ALX4: variants seen among roughly 807,000 people sequenced by gnomAD.
ALX4 encodes the protein ALX homeobox 4.
In ALX4, 22 loss-of-function variants were observed where a neutral mutation model predicts 40.6. That is an observed-to-expected ratio of 0.54 (90% CI 0.39 to 0.77). ALX4 has a LOEUF of 0.77. ALX4 is among the 30% of genes least tolerant of loss of function. ALX4 has a pLI of 0.00. For synonymous variants in ALX4, 266 were observed against 240.5 expected (o/e 1.11, Z -0.98); for missense variants, 556 against 564.8 (o/e 0.98, Z 0.16).
intron 3 of ALX4, among the ~76,000 whole-genome samples, chr11:44,265,518 C>G (rs1049682273): frequency 2.0e-5 from 3 of 152,140 alleles, no homozygotes; most frequent in African/African-American, 7.2e-5. Flanking sequence ...CCTCCATCTG[C>G]GGATGGCAGC....
intron 2 of ALX4, among the ~76,000 whole-genome samples, chr11:44,272,078 T>C (rs903491712): frequency 6.6e-6 from 1 of 152,150 alleles, no homozygotes; most frequent in African/African-American, 2.4e-5. Context: ...AACTCAGGCA[T>C]GTAAGGTCAT....
intron 1 of ALX4, among the ~76,000 whole-genome samples, chr11:44,277,783 T>G (rs2135315866): frequency 6.6e-6 from 1 of 152,276 alleles, no homozygotes; most frequent in East Asian, 1.9e-4. Flanking sequence ...AGAGTAGGCC[T>G]GAAAGCAGCT....
Position 44,309,711 on chromosome 11 carries a change from C to T in ALX4, c.352G>A (p.Ala118Thr). 6.3e-7 allele frequency: 1 copy of T among 1,576,914 alleles called. No homozygotes were observed. Among genetic ancestry groups the T allele is most frequent in the Non-Finnish European group, 8.6e-7 (1 of 1,163,588 alleles). ...CGCTGCAAGTAAAGATGCGGTTGCGCGGGCGGCTGGGGCTGCGGCTGCTGC... is the reference window on the plus strand; with the variant it reads ...CGCTGCAAGTAAAGATGCGGTTGCGTGGGCGGCTGGGGCTGCGGCTGCTGC... ...QQQQPQPQPP[A>T]QPHLYLQRGA... The change falls in exon 1 of 4, where the codon GCG becomes ACG. Residue 118 changes from alanine (A) to threonine (T), a missense_variant. Physicochemically the swap from Ala to Thr is moderately conservative, Grantham distance 58. Transcript: ENST00000652299.
intron 1 of ALX4, among the ~76,000 whole-genome samples, chr11:44,304,270 C>A (rs1956453073): frequency 6.6e-6 from 1 of 152,260 alleles, no homozygotes; most frequent in African/African-American, 2.4e-5. Flanking sequence ...GCCTGGCAGG[C>A]GACGTCCGGG....
chr11:44,285,051 G>A (rs543975475), intron 1 of ALX4, among the ~76,000 whole-genome samples: 1 of 151,992 alleles, frequency 6.6e-6, no homozygotes, highest in East Asian at 1.9e-4. Context: ...TGCAACCTCC[G>A]CCTCCCCGGT....
intron 2 of ALX4, among the ~76,000 whole-genome samples, chr11:44,271,671 T>G (rs1440739648): frequency 1.3e-5 from 2 of 152,212 alleles, no homozygotes; most frequent in East Asian, 3.8e-4. Flanking sequence ...GTAAGCTACC[T>G]CAACTCCATT....
At chr11:44,309,447 C>T (rs1956492087) in intron 1 of ALX4, 150 bp downstream of exon 1, 7 of 1,436,866 alleles carry the variant, frequency 4.9e-6, no homozygotes, top group Non-Finnish European at 6.5e-6. Context: ...CCTTGGCTCC[C>T]TCGCAGCGAT....
chr11:44,286,338 A>AAGAGGAG (rs1342371574), intron 1 of ALX4, among the ~76,000 whole-genome samples: 1 of 152,044 alleles, frequency 6.6e-6, no homozygotes, highest in Non-Finnish European at 1.5e-5. Flanking sequence ...GGGGTATGAG[A>AAGAGGAG]AGAGGAGATG....
chr11:44,295,090 A>C (rs1956395530), intron 1 of ALX4, among the ~76,000 whole-genome samples: 2 of 152,120 alleles, frequency 1.3e-5, no homozygotes, highest in Admixed American at 1.3e-4. Context: ...ACCTCAGGCA[A>C]TCCACCTGCC....
At position 44,261,460 on chromosome 11, in the gene ALX4, A is replaced by C. The variant is rs1257760934; in HGVS notation, c.*3394T>G. ...GCTAACCTGGCCACCGTGCTTCCCG[A>C]AGCTGGAGGCACGGTAGTGAGCGCT... On this transcript the variant is annotated 3_prime_UTR_variant, in exon 4 of 4. Transcript: ENST00000652299. The C allele has an allele frequency of 5.9e-5, 9 of 152,178 alleles. No homozygotes were observed. The highest frequency in any genetic ancestry group is 4.6e-4 in the Admixed American group (7 of 15,274). 9.4% of individuals were successfully genotyped at this position (152,178 alleles called of 1,614,324 possible). A position where few individuals can be genotyped will look rare whatever the true frequency, so the allele number is the denominator to read the frequency against.
In ALX4 at chr11:44,309,704, G is replaced by A. The variant is rs186600034; in HGVS notation, c.359C>T (p.Pro120Leu). Reference protein sequence around the residue: ...QQPQPQPPAQPHLYLQRGACK... With the variant: ...QQPQPQPPAQLHLYLQRGACK... ...GGCGCCTCGCTGCAAGTAAAGATGC[G>A]GTTGCGCGGGCGGCTGGGGCTGCGG... Residue 120 changes from proline to leucine, a missense_variant, in exon 1 of 4, where the codon CCG (proline) becomes CTG (leucine). Coordinates refer to ENST00000652299, the MANE Select transcript of ALX4 (RefSeq NM_021926.4). The A allele has an allele frequency of 1.3e-6, 2 of 1,582,668 alleles. No homozygotes were observed. Among genetic ancestry groups the A allele is most frequent in the African/African-American group, 1.4e-5 (1 of 73,748 alleles).
intron 1 of ALX4, among the ~76,000 whole-genome samples, chr11:44,293,121 A>T (rs1590699913): frequency 2.3e-5 from 1 of 44,224 alleles, no homozygotes; most frequent in East Asian, 5.5e-4. Flanking sequence ...GGAAGGAAGG[A>T]AGGAAGGAAG....
In ALX4 at chr11:44,275,441, C is replaced by T. The variant is rs752434708; in HGVS notation, c.684G>A (p.Glu228=). ...RTTFTSYQLE[E]LEKVFQKTHY... ...GGGTCTTCTGGAAGACCTTCTCCAG[C>T]TCCTCCAGCTGGTAGCTGGTGAAGG... Residue 228 remains glutamate (E), a synonymous_variant, in exon 2 of 4, where the codon GAG becomes GAA. Transcript: ENST00000652299. 6.8e-6 allele frequency: 11 copies of T among 1,614,196 alleles called. No individual in the cohort carries two copies. Among genetic ancestry groups the T allele is most frequent in the East Asian group, 2.2e-5 (1 of 44,878 alleles).
At chr11:44,302,874 G>T (rs919490052) in intron 1 of ALX4, among the ~76,000 whole-genome samples, 1 of 152,184 alleles carries the variant, frequency 6.6e-6, no homozygotes, top group Non-Finnish European at 1.5e-5. Context: ...GACAAAGGGG[G>T]TGAAGGTGGG....
chr11:44,288,303 TA>T (rs1302603450), intron 1 of ALX4, among the ~76,000 whole-genome samples: 1 of 151,896 alleles, frequency 6.6e-6, no homozygotes, highest in African/African-American at 2.4e-5. Flanking sequence ...AGATTGAAAA[TA>T]ATGCAAATAT....
intron 2 of ALX4, among the ~76,000 whole-genome samples, chr11:44,273,224 T>A (rs1284885855): frequency 6.6e-6 from 1 of 151,988 alleles, no homozygotes; most frequent in Non-Finnish European, 1.5e-5. Flanking sequence ...TTCTCTTTGT[T>A]CTGAAGCTAT....
chr11:44,279,039 GCA>G (rs1956294016), intron 1 of ALX4, among the ~76,000 whole-genome samples: 1 of 152,160 alleles, frequency 6.6e-6, no homozygotes, highest in Non-Finnish European at 1.5e-5. Flanking sequence ...AGAATAACAA[GCA>G]CAGCCCTCTC....
chr11:44,270,680 A>G (rs187870627), intron 2 of ALX4, among the ~76,000 whole-genome samples: 1 of 152,128 alleles, frequency 6.6e-6, no homozygotes, highest in Admixed American at 6.5e-5. Context: ...CCAGCTCTGC[A>G]CCGCAGGCCT....
At chr11:44,284,995 G>A (rs917574870) in intron 1 of ALX4, among the ~76,000 whole-genome samples, 6 of 151,778 alleles carry the variant, frequency 4.0e-5, no homozygotes, top group East Asian at 1.9e-4. Flanking sequence ...ATGGAGTCTC[G>A]CTGTTGTCGC....
Sources: allele counts gnomAD v4.1 joint callset (sites outside exome capture counted in the v4.1 genomes callset), GRCh38; gene constraint gnomAD v4.1.1; transcripts MANE v1.5; gene names NCBI Gene and HGNC (gene_info 2026-07-23, HGNC 2026-07-21).